The following PCDH10 variants were observed in gnomAD, a reference collection of about 807,000 sequenced individuals.
The protein encoded by PCDH10 is protocadherin 10.
A neutral mutation model predicts 74.4 loss-of-function variants in PCDH10; 15 were observed. The ratio of observed to expected loss-of-function variants is 0.20; its 90% CI spans 0.13 to 0.31. The LOEUF (loss-of-function observed/expected upper bound fraction) is 0.31. PCDH10 is among the 10% of genes least tolerant of loss of function. The pLI is 1.00. For missense variants in PCDH10, 1,260 were observed against 1,390.2 expected (o/e 0.91, Z 1.49); for synonymous variants, 619 against 589.8 (o/e 1.05, Z -0.72).
At chr4:133,173,961 A>C (rs1727245561) in intron 4 of PCDH10, among the ~76,000 whole-genome samples, 1 of 151,966 alleles carries the variant, frequency 6.6e-6, no homozygotes, top group African/African-American at 2.4e-5. Flanking sequence ...TGTATGTAAT[A>C]ATAGCTTACA....
chr4:133,151,831 T>C lies in PCDH10; in HGVS notation c.1691T>C (p.Ile564Thr), dbSNP rs769577344. Reference sequence around the variant, plus strand: ...GGTAACGCCACTGTCAACATCCTCATAGTGGATCAAAATGACAACGCCCCT... The same window carrying C: ...GGTAACGCCACTGTCAACATCCTCACAGTGGATCAAAATGACAACGCCCCT... ...LAGNATVNIL[I>T]VDQNDNAPAI... Residue 564 changes from isoleucine (I) to threonine (T), a missense_variant, in exon 1 of 5, where the codon ATA becomes ACA. Physicochemically the swap from Ile to Thr is moderately conservative, Grantham distance 89. Transcript: ENST00000264360. 17 of 1,612,866 alleles carry C rather than the reference T, an allele frequency of 1.1e-5. No homozygotes were observed. Among genetic ancestry groups the C allele is most frequent in the Admixed American group, 8.3e-5 (5 of 60,006 alleles).
chr4:133,187,296 C>G (rs998113710), intron 4 of PCDH10, among the ~76,000 whole-genome samples: 1 of 151,988 alleles, frequency 6.6e-6, no homozygotes, highest in African/African-American at 2.4e-5. Context: ...TGGTGTTAGG[C>G]ATTATATTAG....
At chr4:133,161,310 A>G (rs1166702041) in intron 3 of PCDH10, among the ~76,000 whole-genome samples, 1 of 152,164 alleles carries the variant, frequency 6.6e-6, no homozygotes, top group Admixed American at 6.6e-5. Context: ...TGAGATTAAT[A>G]TATGATAAGA....
Position 133,154,942 on chromosome 4 carries a change from G to C in PCDH10, c.2716G>C (p.Val906Leu), listed in dbSNP as rs768230100. The change falls in exon 3 of 5, where the codon GTA becomes CTA. Residue 906 changes from valine (V) to leucine (L), a missense_variant. Physicochemically the swap from Val to Leu is conservative, Grantham distance 32. Around this residue, in one of 11 missense-constraint regions of PCDH10, gnomAD observed 587 missense variants for 616.9 expected, o/e 0.95. Transcript: ENST00000264360. ...TTCTGCATTCCAGGAAGCCGACATA[G>C]TAAGCTCTAAGGACAGTGGTCATGG... ...NSSAFQEADI[V>L]SSKDSGHGDS... 5.6e-6 allele frequency: 9 copies of C among 1,612,934 alleles called. No homozygotes were observed. Among genetic ancestry groups the C allele is most frequent in the Non-Finnish European group, 6.8e-6 (8 of 1,179,060 alleles).
chr4:133,160,105 T>C (rs930265931), intron 3 of PCDH10, among the ~76,000 whole-genome samples: 4 of 151,960 alleles, frequency 2.6e-5, no homozygotes, highest in Non-Finnish European at 5.9e-5. Flanking sequence ...TTTAATTAAT[T>C]TTTCTGTTAC....
rs1167321577 is a variant in PCDH10 at position 133,188,665 on chromosome 4, G to GTTTTTTTT, written c.3104-1458_3104-1451dup. ...TGATGATGGTGCCTGACTGCTATGG[G>GTTTTTTTT]TTTTTTTTTTTTTTTTTTTTTTTTT... On this transcript the variant is annotated intron_variant, in intron 4 of 4. Transcript: ENST00000264360. Among the ~76,000 whole-genome samples, 59 of 74,680 alleles carry GTTTTTTTT rather than the reference G, an allele frequency of 7.9e-4. 1 individual carries two copies. Among genetic ancestry groups the GTTTTTTTT allele is most frequent in the Middle Eastern group, 0.016 (1 of 64 alleles). 49.0% of individuals were successfully genotyped at this position (74,680 alleles called of 152,430 possible). A position where few individuals can be genotyped will look rare whatever the true frequency, so the allele number is the denominator to read the frequency against.
chr4:133,205,094 T>C (rs1727975860), intron 2 of PCDH10, among the ~76,000 whole-genome samples: 1 of 152,090 alleles, frequency 6.6e-6, no homozygotes, highest in Non-Finnish European at 1.5e-5. Flanking sequence ...ATGGTCTCCT[T>C]GATAAGGAGG....
chr4:133,150,186 G>A lies in PCDH10; in HGVS notation c.46G>A (p.Val16Ile). 1 of 1,601,084 alleles carries A rather than the reference G, an allele frequency of 6.2e-7. No homozygotes were observed. The highest frequency in any genetic ancestry group is 8.5e-7 in the Non-Finnish European group (1 of 1,174,734). The change falls in exon 1 of 5, where the codon GTC becomes ATC. Residue 16 changes from valine to isoleucine, a missense_variant. Physicochemically the swap from Val to Ile is conservative, Grantham distance 29 (BLOSUM62 3). Around this residue, in one of 11 missense-constraint regions of PCDH10, gnomAD observed 103 missense variants for 91.5 expected, o/e 1.13. Transcript: ENST00000264360. ...LFALLWMVEG[V>I]FSQLHYTVQE... ...TGCCTTGCTCTGGATGGTGGAAGGA[G>A]TCTTTTCCCAGCTTCACTACACGGT...
At chr4:133,166,543 T>C (rs982275463) in intron 4 of PCDH10, among the ~76,000 whole-genome samples, 3 of 151,490 alleles carry the variant, frequency 2.0e-5, no homozygotes, top group Non-Finnish European at 4.4e-5. Context: ...AAATATAAAA[T>C]GAATATAAAG....
chr4:133,197,117 G>A (rs577342926), downstream of PCDH10, among the ~76,000 whole-genome samples: 2 of 152,082 alleles, frequency 1.3e-5, no homozygotes, highest in African/African-American at 2.4e-5. Flanking sequence ...GGCTGGGTTC[G>A]CTTTCTTCCT....
At chr4:133,157,846 T>C (rs945760390) in intron 3 of PCDH10, among the ~76,000 whole-genome samples, 4 of 152,236 alleles carry the variant, frequency 2.6e-5, no homozygotes, top group Non-Finnish European at 5.9e-5. Flanking sequence ...TTTTCTTTTT[T>C]CTAAGCCATT....
chr4:133,178,380 G>T (rs990661773), intron 4 of PCDH10, among the ~76,000 whole-genome samples: 2 of 151,972 alleles, frequency 1.3e-5, no homozygotes, highest in Non-Finnish European at 2.9e-5. Flanking sequence ...GGGATTACAG[G>T]CATGCACCAC....
chr4:133,150,341 C>G lies in PCDH10; in HGVS notation c.201C>G (p.Asn67Lys), dbSNP rs192334683. 8 of 1,613,662 alleles carry G rather than the reference C, an allele frequency of 5.0e-6. No homozygotes were observed. The highest frequency in any genetic ancestry group is 1.7e-4 in the Middle Eastern group (1 of 6,056). ...CAAGGACCCCTTACTTAGACCTCAA[C>G]CTGGAGACAGGGGTGCTGTACGTGA... ...PNSRTPYLDLNLETGVLYVNE... is the reference protein window; with the variant it reads ...PNSRTPYLDLKLETGVLYVNE... The change falls in exon 1 of 5, where the codon AAC (asparagine) becomes AAG (lysine). Residue 67 changes from asparagine to lysine, a missense_variant. Asn to Lys is a moderately conservative substitution (Grantham distance 94). Around this residue, in one of 11 missense-constraint regions of PCDH10, gnomAD observed 103 missense variants for 91.5 expected, o/e 1.13. Coordinates refer to ENST00000264360, the MANE Select transcript of PCDH10 (RefSeq NM_032961.3).
chr4:133,165,053 C>CAT (rs1421265846), intron 4 of PCDH10, among the ~76,000 whole-genome samples: 2 of 146,676 alleles, frequency 1.4e-5, no homozygotes, highest in East Asian at 3.9e-4. Flanking sequence ...AACATATATT[C>CAT]ATATATATAC....
intron 2 of PCDH10, among the ~76,000 whole-genome samples, chr4:133,201,547 C>G (rs1190418385): frequency 6.6e-6 from 1 of 151,982 alleles, no homozygotes. Flanking sequence ...GAATTGAAAC[C>G]TCAATACTTA....
intron 2 of PCDH10, among the ~76,000 whole-genome samples, chr4:133,204,460 A>G (rs1044894505): frequency 1.3e-5 from 2 of 152,136 alleles, no homozygotes; most frequent in Non-Finnish European, 2.9e-5. Flanking sequence ...CACTACTTTT[A>G]TGGGCAGGAG....
At chr4:133,152,838 C>G in intron 1 of PCDH10, 67 bp downstream of exon 1, 1 of 1,600,684 alleles carries the variant, frequency 6.2e-7, no homozygotes, top group Non-Finnish European at 8.5e-7. Flanking sequence ...CTAGCCCGGC[C>G]CTTGTATCTC....
chr4:133,198,836 G>C (rs1727845227), downstream of PCDH10, among the ~76,000 whole-genome samples: 1 of 152,072 alleles, frequency 6.6e-6, no homozygotes, highest in Admixed American at 6.6e-5. Flanking sequence ...AGGTATATTA[G>C]GTGATTTTTT....
At chr4:133,198,840 A>AT (rs1056247905), downstream of PCDH10, among the ~76,000 whole-genome samples, 13 of 151,966 alleles carry the variant, frequency 8.6e-5, no homozygotes, top group South Asian at 2.1e-4. Flanking sequence ...ATATTAGGTG[A>AT]TTTTTTTTAG....
Sources: gnomAD v4.1 joint callset for allele counts (sites outside exome capture counted in the v4.1 genomes callset) on GRCh38, gnomAD v4.1.1 for gene constraint, gnomAD v4.1.1 regional missense constraint, MANE v1.5 for transcripts, NCBI Gene and HGNC (gene_info 2026-07-23, HGNC 2026-07-21) for gene names.